The following ASB4 variants were observed in gnomAD, a reference collection of about 807,000 sequenced individuals.
ASB4 encodes the protein ankyrin repeat and SOCS box containing 4.
ASB4 carries 35 observed loss-of-function variants against 38.6 expected under a neutral mutation model. That is an observed-to-expected ratio of 0.91 (90% confidence interval 0.69 to 1.20). The LOEUF (loss-of-function observed/expected upper bound fraction) is 1.20. ASB4 is among the 50% of genes most tolerant of loss of function. The pLI, the probability that ASB4 is intolerant of heterozygous loss-of-function variation, is 0.00. For synonymous variants in ASB4, 195 were observed against 201.3 expected, an observed-to-expected ratio of 0.97 and a Z score of 0.26; for missense variants, 557 against 527.2, an observed-to-expected ratio of 1.06 and a Z score of -0.55.
At chr7:95,549,581 G>A in the ASB4 span, among the ~76,000 whole-genome samples, 1 of 152,124 alleles carries the variant, frequency 6.6e-6, no homozygotes, top group East Asian at 1.9e-4. Flanking sequence ...ATAGGCGTGA[G>A]CCACCGCGCC....
At chr7:95,546,492 T>C in the ASB4 span, among the ~76,000 whole-genome samples, 1 of 152,200 alleles carries the variant, frequency 6.6e-6, no homozygotes, top group Non-Finnish European at 1.5e-5. Flanking sequence ...TATTTTGATA[T>C]TATGTGGTGC....
chr7:95,485,903 G>T, upstream of ASB4: 4 of 1,415,130 alleles, frequency 2.8e-6, no homozygotes, highest in South Asian at 4.0e-5. Flanking sequence ...GGACTCTCCA[G>T]CATGCGCCTG....
At chr7:95,533,349 G>C (rs1211907592) in intron 3 of ASB4, among the ~76,000 whole-genome samples, 5 of 152,146 alleles carry the variant, frequency 3.3e-5, no homozygotes, top group Non-Finnish European at 7.4e-5. Flanking sequence ...ACTAAAAAGG[G>C]AAAATTACTT....
At chr7:95,542,098 A>G (rs971227756), downstream of ASB4, 2 of 151,774 alleles carry the variant, frequency 1.3e-5, no homozygotes, top group African/African-American at 4.9e-5. Context: ...AAAAAAACCC[A>G]AAAACTTTAT....
At chr7:95,529,119 G>A (rs566674351) in intron 3 of ASB4, among the ~76,000 whole-genome samples, 1 of 152,256 alleles carries the variant, frequency 6.6e-6, no homozygotes, top group South Asian at 2.1e-4. Flanking sequence ...AGCAAATAAA[G>A]GGGTAATTTT....
At chr7:95,499,294 T>G (rs1250014932) in intron 2 of ASB4, among the ~76,000 whole-genome samples, 1 of 152,116 alleles carries the variant, frequency 6.6e-6, no homozygotes, top group African/African-American at 2.4e-5. Context: ...TAGAGAAAAG[T>G]GAATCTATGA....
chr7:95,517,956 T>C (rs1790607599), intron 2 of ASB4, among the ~76,000 whole-genome samples: 1 of 152,108 alleles, frequency 6.6e-6, no homozygotes, highest in Non-Finnish European at 1.5e-5. Flanking sequence ...GGGTAAATAA[T>C]AGAGATAAAT....
Position 95,509,300 on chromosome 7 carries a change from C to A in ASB4, c.487+13243C>A, listed in dbSNP as rs149953842. 2.8e-3 allele frequency among the ~76,000 whole-genome samples: 421 copies of A among 152,094 alleles called. 4 individuals are homozygous for A. The highest frequency in any genetic ancestry group is 3.8e-3 in the Non-Finnish European group (261 of 68,008). On this transcript the variant is annotated intron_variant, in intron 2 of 4. Coordinates refer to ENST00000325885, the MANE Select transcript of ASB4 (RefSeq NM_016116.3). ...GTAATTGGAAGGAGCAATGGGGAGT[C>A]AGATATATGAAAAAGAACACCCAGC...
At position 95,509,946 on chromosome 7, in the gene ASB4, C is replaced by G. The variant is rs990490921; in HGVS notation, c.487+13889C>G. On this transcript the variant is annotated intron_variant, in intron 2 of 4. Coordinates refer to ENST00000325885, the MANE Select transcript of ASB4 (RefSeq NM_016116.3). ...TTGTTTTGGGTCCGTGATGCTCCCA[C>G]TGTGTCTTGCTGGAAATTGAATAAT... is the stretch of plus-strand genomic sequence containing the variant. 2.0e-5 allele frequency among the ~76,000 whole-genome samples: 3 copies of G among 152,128 alleles called. No homozygotes were observed. The East Asian group carries it at 5.8e-4, about 29-fold the overall frequency.
the ASB4 span, among the ~76,000 whole-genome samples, chr7:95,546,119 A>G: frequency 2.0e-5 from 3 of 152,222 alleles, no homozygotes; most frequent in African/African-American, 7.2e-5. Flanking sequence ...ATAATTGTTT[A>G]GTACAATGTC....
rs1790945414 is a variant in ASB4 at position 95,539,799 on chromosome 7, T to G, written c.*2040T>G. On this transcript the variant is annotated 3_prime_UTR_variant, in exon 5 of 5. Coordinates refer to ENST00000325885, the MANE Select transcript of ASB4 (RefSeq NM_016116.3). ...TTGGGTACAGTGTACACTGCTCCAG[T>G]GATGGGTGCACTAAAATCTCAAAAT... 6.6e-6 allele frequency: 1 copy of G among 152,156 alleles called. No homozygotes were observed. Among genetic ancestry groups the G allele is most frequent in the African/African-American group, 2.4e-5 (1 of 41,432 alleles). The allele number at this position is 152,156 out of a possible 1,614,324, so 9.4% of individuals were successfully genotyped here.
chr7:95,499,296 A>G (rs77423677), intron 2 of ASB4, among the ~76,000 whole-genome samples: 2,024 of 152,334 alleles, frequency 0.013, 60 homozygotes, highest in Admixed American at 0.055. Flanking sequence ...GAGAAAAGTG[A>G]ATCTATGAAA....
intron 3 of ASB4, chr7:95,528,705 A>G: frequency 9.4e-7 from 1 of 1,066,788 alleles, no homozygotes; most frequent in Non-Finnish European, 1.1e-6. Context: ...TAGCCATGAA[A>G]GGGCCACCCG....
At chr7:95,472,210 G>A in the ASB4 span, 2 of 140,176 alleles carry the variant, frequency 1.4e-5, no homozygotes, top group Non-Finnish European at 3.1e-5. Context: ...GTTTATATCT[G>A]CACTTACATT....
At chr7:95,518,715 A>G (rs760642553) in intron 2 of ASB4, among the ~76,000 whole-genome samples, 1 of 152,232 alleles carries the variant, frequency 6.6e-6, no homozygotes, top group Non-Finnish European at 1.5e-5. Flanking sequence ...CAAATCTTTA[A>G]CAGGGATTCC....
chr7:95,531,386 A>C (rs1266911369), intron 3 of ASB4, among the ~76,000 whole-genome samples: 2 of 152,224 alleles, frequency 1.3e-5, no homozygotes, highest in African/African-American at 4.8e-5. Flanking sequence ...TGTCGTTCAA[A>C]GACTACTTTC....
intron 3 of ASB4, 96 bp downstream of exon 3, chr7:95,528,399 T>G: frequency 6.3e-7 from 1 of 1,579,100 alleles, no homozygotes; most frequent in African/African-American, 1.3e-5. Flanking sequence ...GAGGCTTGAG[T>G]CCTGGGCTAA....
At chr7:95,540,368 C>T (rs2116664532), downstream of ASB4, 1 of 152,248 alleles carries the variant, frequency 6.6e-6, no homozygotes, top group East Asian at 1.9e-4. Flanking sequence ...GGGATTGTGC[C>T]TGTAAATAAA....
upstream of ASB4, among the ~76,000 whole-genome samples, chr7:95,477,736 T>C (rs972846610): frequency 2.4e-5 from 1 of 40,918 alleles, no homozygotes; most frequent in Non-Finnish European, 6.2e-5. Flanking sequence ...AACAAGAACC[T>C]TTTTTTTTTT....
Sources: allele counts gnomAD v4.1 joint callset (sites outside exome capture counted in the v4.1 genomes callset), GRCh38; gene constraint gnomAD v4.1.1; transcripts MANE v1.5; gene names NCBI Gene and HGNC (gene_info 2026-07-23, HGNC 2026-07-21).